LMO7: variants seen among roughly 807,000 people sequenced by gnomAD.
LMO7 encodes the protein LIM domain 7.
LMO7 carries 120 observed loss-of-function variants against 206.5 expected under a neutral mutation model. That is an observed-to-expected ratio of 0.58 (90% CI 0.50 to 0.68). The LOEUF is 0.68. LMO7 is among the 30% of genes least tolerant of loss of function. LMO7 has a pLI of 0.00. For missense variants in LMO7, 1,959 were observed against 1,957.9 expected, an observed-to-expected ratio of 1.00 and a Z score of -0.01; for synonymous variants, 706 against 681.5, an observed-to-expected ratio of 1.04 and a Z score of -0.56.
chr13:75,842,937 TA>T, intron 25 of LMO7, 21 bp downstream of exon 25: 1 of 1,447,892 alleles, frequency 6.9e-7, no homozygotes, highest in Non-Finnish European at 9.7e-7. Context: ...CATGTTATTG[TA>T]ATTTAATTGA....
intron 3 of LMO7, among the ~76,000 whole-genome samples, chr13:75,736,898 G>T (rs1440400177): frequency 1.3e-5 from 2 of 152,186 alleles, no homozygotes; most frequent in African/African-American, 2.4e-5. Flanking sequence ...ACATATAGGA[G>T]ATCAAAGGTT....
chr13:75,822,392 C>A (rs2057669364), intron 14 of LMO7, among the ~76,000 whole-genome samples: 1 of 152,132 alleles, frequency 6.6e-6, no homozygotes, highest in Non-Finnish European at 1.5e-5. Flanking sequence ...ATAAGAATTT[C>A]ATGGCAGACC....
At chr13:75,643,507 G>C (rs972262361) in intron 1 of LMO7, among the ~76,000 whole-genome samples, 3 of 152,162 alleles carry the variant, frequency 2.0e-5, no homozygotes, top group Non-Finnish European at 4.4e-5. Context: ...CAATAAAAAG[G>C]TTGGCCTATT....
chr13:75,743,276 TCAAC>T (rs1215579176), intron 3 of LMO7, among the ~76,000 whole-genome samples: 3 of 152,158 alleles, frequency 2.0e-5, no homozygotes, highest in Admixed American at 1.3e-4. Context: ...GTAAATTAGT[TCAAC>T]CAGTGTGGGA....
At chr13:75,678,214 T>C (rs1055165732) in intron 1 of LMO7, among the ~76,000 whole-genome samples, 53 of 152,302 alleles carry the variant, frequency 3.5e-4, no homozygotes, top group South Asian at 1.9e-3. Context: ...TGAGGAATCG[T>C]CACACTGACT....
intron 3 of LMO7, among the ~76,000 whole-genome samples, chr13:75,736,476 G>T (rs1207138414): frequency 6.6e-6 from 1 of 152,348 alleles, no homozygotes; most frequent in Admixed American, 6.5e-5. Flanking sequence ...CAGATGGTCT[G>T]ACATGCAGAT....
At chr13:75,703,114 A>G (rs1390344856) in intron 1 of LMO7, among the ~76,000 whole-genome samples, 5 of 152,240 alleles carry the variant, frequency 3.3e-5, no homozygotes, top group Non-Finnish European at 7.3e-5. Flanking sequence ...TCAAGAACTG[A>G]GGAAGGCTCT....
rs756483135 is a variant in LMO7, at chr13:75,807,697, C to A, written c.1414C>A (p.His472Asn). 1.2e-6 allele frequency: 2 copies of A among 1,613,976 alleles called. No homozygotes were observed. Among genetic ancestry groups the A allele is most frequent in the Admixed American group, 3.3e-5 (2 of 60,016 alleles). ...DFFVRKTGAF[H>N]ANPYVLRAFE... ...CTTTGTCAGAAAGACTGGGGCTTTC[C>A]ATGCAAATCCATATGTTCTCCGAGC... The change falls in exon 10 of 31, where the codon CAT (histidine) becomes AAT (asparagine). Residue 472 changes from histidine (H) to asparagine (N), a missense_variant. Transcript: ENST00000377534.
chr13:75,681,028 A>C (rs921328749), intron 1 of LMO7, among the ~76,000 whole-genome samples: 4 of 151,410 alleles, frequency 2.6e-5, no homozygotes, highest in Non-Finnish European at 5.9e-5. Context: ...TTTGTTGTAA[A>C]TTTGTTTAAA....
intron 1 of LMO7, among the ~76,000 whole-genome samples, chr13:75,648,401 C>T (rs559761837): frequency 7.9e-5 from 12 of 152,116 alleles, no homozygotes; most frequent in African/African-American, 2.4e-5. Flanking sequence ...CAGCTGAAGC[C>T]GGCAGGCCCA....
At chr13:75,846,682 T>G (rs564843985) in intron 26 of LMO7, among the ~76,000 whole-genome samples, 125 of 152,210 alleles carry the variant, frequency 8.2e-4, no homozygotes, top group Non-Finnish European at 1.5e-3. Context: ...CGGATTATTT[T>G]GTATATATGT....
At chr13:75,730,051 T>C (rs2044974541) in intron 3 of LMO7, among the ~76,000 whole-genome samples, 1 of 151,966 alleles carries the variant, frequency 6.6e-6, no homozygotes, top group Non-Finnish European at 1.5e-5. Context: ...TGAGGATTTT[T>C]GCATCAACGT....
At chr13:75,733,293 C>T (rs192934543) in intron 3 of LMO7, among the ~76,000 whole-genome samples, 1 of 152,238 alleles carries the variant, frequency 6.6e-6, no homozygotes, top group African/African-American at 2.4e-5. Context: ...TTTGAGCTTC[C>T]CAACTGCTTT....
chr13:75,781,096 CTTTTTTTTTTTTTT>C (rs367937964), intron 4 of LMO7, among the ~76,000 whole-genome samples: 4 of 41,924 alleles, frequency 9.5e-5, no homozygotes, highest in Non-Finnish European at 1.2e-4. Context: ...CTCTATTTTC[CTTTTTTTTTTTTTT>C]TTTTTTTTTG....
At chr13:75,842,034 A>G in intron 24 of LMO7, 51 bp downstream of exon 24, 1 of 1,363,252 alleles carries the variant, frequency 7.3e-7, no homozygotes, top group Non-Finnish European at 1.0e-6. Context: ...TCCATTCCCC[A>G]CTTCAAAGGC....
intron 1 of LMO7, among the ~76,000 whole-genome samples, chr13:75,708,073 G>T (rs1169172779): frequency 6.6e-5 from 10 of 152,166 alleles, no homozygotes; most frequent in Non-Finnish European, 8.8e-5. Context: ...TTGGAGTATT[G>T]TCAGAGTGGT....
chr13:75,646,318 C>T (rs1287577772), intron 1 of LMO7, among the ~76,000 whole-genome samples: 1 of 152,188 alleles, frequency 6.6e-6, no homozygotes, highest in East Asian at 1.9e-4. Flanking sequence ...GTTGCAGTAG[C>T]CTGGACTCCT....
chr13:75,835,330 T>C lies in LMO7; in HGVS notation c.3324T>C (p.Leu1108=). 6.3e-7 allele frequency: 1 copy of C among 1,599,138 alleles called. No individual in the cohort carries two copies. Among genetic ancestry groups the C allele is most frequent in the Non-Finnish European group, 8.5e-7 (1 of 1,172,280 alleles). Residue 1108 remains leucine, a synonymous_variant, in exon 18 of 31, where the codon CTT becomes CTC. Coordinates refer to ENST00000377534, the MANE Select transcript of LMO7 (RefSeq NM_001306080.2). ...LSVTTDFSES[L]QSSNIESKEI... ...TAACAACTGATTTCTCCGAAAGCCT[T>C]CAGAGTTCTGTGAGTATTTGGAGAA...
chr13:75,804,360 C>T lies in LMO7; in HGVS notation c.733C>T (p.Arg245Ter), dbSNP rs1307078638. 23 of 1,614,028 alleles carry T rather than the reference C, an allele frequency of 1.4e-5. No individual in the cohort carries two copies. Among genetic ancestry groups the T allele is most frequent in the East Asian group, 2.2e-5 (1 of 44,876 alleles). Residue 245 changes from arginine to a stop codon, truncating the protein, a stop_gained, in exon 8 of 31, where the codon CGA becomes TGA. Transcript: ENST00000377534. LOFTEE classifies it high-confidence loss of function. ...TTATAATAAAGATGATATGTCGTAT[C>T]GAAGGATTTCGGCTGTTGAGCCAAA... ...QDYNKDDMSY[R>*]RISAVEPKTA... is the part of the protein sequence containing the mutation.
Sources: gnomAD v4.1 joint callset for allele counts (sites outside exome capture counted in the v4.1 genomes callset) on GRCh38, gnomAD v4.1.1 for gene constraint, MANE v1.5 for transcripts, NCBI Gene and HGNC (gene_info 2026-07-23, HGNC 2026-07-21) for gene names.